Variants in LINGO1 observed in about 807,000 individuals in gnomAD.
LINGO1 encodes leucine-rich repeat and immunoglobulin-like domain-containing nogo receptor-interacting protein 1.
A neutral mutation model predicts 37.3 loss-of-function variants in LINGO1; 11 were observed. The observed-to-expected ratio is 0.29, with a 90% CI of 0.19 to 0.49. The LOEUF is 0.49. Among genes scored for constraint, LINGO1 ranks in the 20% least tolerant of loss-of-function variants. LINGO1 has a pLI of 0.99. For synonymous variants in LINGO1, 387 were observed against 403.0 expected (o/e 0.96, Z 0.48); for missense variants, 585 against 878.2 (o/e 0.67, Z 4.22).
intron 3 of LINGO1, among the ~76,000 whole-genome samples, chr15:77,674,975 A>G (rs190750847): frequency 6.6e-6 from 1 of 152,272 alleles, no homozygotes. Context: ...ACAGCAGCAG[A>G]GGACTTGACA....
At chr15:77,681,558 T>G (rs184085607) in intron 2 of LINGO1, among the ~76,000 whole-genome samples, 1 of 152,204 alleles carries the variant, frequency 6.6e-6, no homozygotes, top group Non-Finnish European at 1.5e-5. Context: ...CTGACTAGAA[T>G]TGCTTTGAGG....
intron 2 of LINGO1, among the ~76,000 whole-genome samples, chr15:77,727,507 A>G (rs1047899103): frequency 6.6e-6 from 1 of 152,236 alleles, no homozygotes; most frequent in African/African-American, 2.4e-5. Context: ...ACACATATAT[A>G]TGGTTTCCTA....
At chr15:77,721,095 T>C (rs1477805921) in intron 2 of LINGO1, among the ~76,000 whole-genome samples, 1 of 152,020 alleles carries the variant, frequency 6.6e-6, no homozygotes, top group Non-Finnish European at 1.5e-5. Context: ...CCCAGTCCAC[T>C]CCTGACTCAA....
rs145848928 is a variant in LINGO1, at chr15:77,744,510, G to A, written c.-256-9457C>T. On this transcript the variant is annotated intron_variant, in intron 1 of 3. Coordinates refer to the LINGO1 transcript ENST00000561686. Reference sequence around the variant, plus strand: ...GATGGCACTACTGTACTCCAGCCTGGACAACCAAAGTGAGACCCTACATCA... The same window carrying A: ...GATGGCACTACTGTACTCCAGCCTGAACAACCAAAGTGAGACCCTACATCA... Among the ~76,000 whole-genome samples, 202 of 152,198 alleles carry A rather than the reference G, an allele frequency of 1.3e-3. 7 individuals carry two copies. The East Asian group carries it at 0.036, about 27-fold the overall frequency.
At chr15:77,740,239 G>A (rs775782307) in intron 1 of LINGO1, among the ~76,000 whole-genome samples, 9 of 152,230 alleles carry the variant, frequency 5.9e-5, no homozygotes, top group Non-Finnish European at 1.0e-4. Flanking sequence ...GCCAGACAGA[G>A]GATGTGGGTG....
chr15:77,745,431 A>G (rs2076304745), intron 1 of LINGO1, among the ~76,000 whole-genome samples: 1 of 134,186 alleles, frequency 7.5e-6, no homozygotes, highest in Non-Finnish European at 1.7e-5. Flanking sequence ...TCTCAAAAGA[A>G]AAAAAAAAAA....
intron 1 of LINGO1, among the ~76,000 whole-genome samples, chr15:77,764,890 C>G (rs2076512453): frequency 6.6e-6 from 1 of 152,212 alleles, no homozygotes; most frequent in Admixed American, 6.5e-5. Flanking sequence ...AGGAGGAATG[C>G]TGCAGATATC....
At chr15:77,764,264 C>G (rs1352358534) in intron 1 of LINGO1, among the ~76,000 whole-genome samples, 1 of 152,154 alleles carries the variant, frequency 6.6e-6, no homozygotes, top group Non-Finnish European at 1.5e-5. Flanking sequence ...ATAATTTAGC[C>G]ATATACATCA....
intron 2 of LINGO1, among the ~76,000 whole-genome samples, chr15:77,731,402 C>T (rs1053532974): frequency 2.8e-4 from 43 of 152,178 alleles, no homozygotes; most frequent in African/African-American, 9.7e-4. Flanking sequence ...CAGAGCCTGG[C>T]ACTAGAGCCT....
chr15:77,613,435 TG>T lies in LINGO1; in HGVS notation c.*608del. 1 of 154,452 alleles carries T rather than the reference TG, an allele frequency of 6.5e-6. No individual in the cohort carries two copies. Among genetic ancestry groups the T allele is most frequent in the Non-Finnish European group, 1.4e-5 (1 of 69,434 alleles). 9.6% of individuals were successfully genotyped at this position (154,452 alleles called of 1,614,324 possible). A position where few individuals can be genotyped will look rare whatever the true frequency, so the allele number is the denominator to read the frequency against. ...GCCCTGCAAAAAGCCAGCCCGGAGC[TG>T]GGCCCAGGCCTGCCCCCTAGCCTGC... On this transcript the variant is annotated 3_prime_UTR_variant, in exon 2 of 2. Coordinates refer to ENST00000355300, the MANE Select transcript of LINGO1 (RefSeq NM_032808.7).
intron 1 of LINGO1, among the ~76,000 whole-genome samples, chr15:77,759,076 G>A (rs994971771): frequency 2.0e-5 from 3 of 152,200 alleles, no homozygotes; most frequent in Non-Finnish European, 2.9e-5. Flanking sequence ...TGAAGACCTG[G>A]AAAGCACTTA....
At chr15:77,793,965 C>G (rs2141449246) in intron 2 of LINGO1, among the ~76,000 whole-genome samples, 1 of 152,310 alleles carries the variant, frequency 6.6e-6, no homozygotes, top group South Asian at 2.1e-4. Flanking sequence ...CCAGGTGTCA[C>G]CTGTTCCAAC....
intron 1 of LINGO1, among the ~76,000 whole-genome samples, chr15:77,798,063 A>G (rs4886916): frequency 0.19 from 29,632 of 152,036 alleles, 3,061 homozygotes; most frequent in African/African-American, 0.26. Context: ...GTGAAGAGAG[A>G]CCTGCTCAGC....
At chr15:77,777,614 CA>C (rs200707493) in intron 1 of LINGO1, among the ~76,000 whole-genome samples, 1 of 152,080 alleles carries the variant, frequency 6.6e-6, no homozygotes, top group Non-Finnish European at 1.5e-5. Context: ...GGCTTAAAAA[CA>C]AAAAATTTTA....
At chr15:77,706,569 C>A (rs1200233487) in intron 2 of LINGO1, among the ~76,000 whole-genome samples, 1 of 152,188 alleles carries the variant, frequency 6.6e-6, no homozygotes, top group Non-Finnish European at 1.5e-5. Context: ...TTCCTTCCAG[C>A]TCCTGAACAC....
chr15:77,807,973 C>A (rs1417224847), intron 1 of LINGO1, among the ~76,000 whole-genome samples: 1 of 152,120 alleles, frequency 6.6e-6, no homozygotes, highest in Non-Finnish European at 1.5e-5. Flanking sequence ...CTGGTCCCCA[C>A]CCAGCTCCAC....
At chr15:77,766,272 T>C (rs1596204898) in intron 1 of LINGO1, among the ~76,000 whole-genome samples, 1 of 111,312 alleles carries the variant, frequency 9.0e-6, no homozygotes, top group Non-Finnish European at 1.7e-5. Context: ...CACTCTAGCC[T>C]GGGTAACAGA....
intron 2 of LINGO1, among the ~76,000 whole-genome samples, chr15:77,714,347 C>A (rs2075957706): frequency 6.6e-6 from 1 of 152,134 alleles, no homozygotes; most frequent in South Asian, 2.1e-4. Context: ...CTGGAGAGAT[C>A]TTTTTTAAAA....
At chr15:77,809,662 TGTG>T (rs1188247220) in intron 1 of LINGO1, among the ~76,000 whole-genome samples, 1 of 152,160 alleles carries the variant, frequency 6.6e-6, no homozygotes, top group Admixed American at 6.5e-5. Flanking sequence ...TGCTGTTTCC[TGTG>T]ACCCTTCCAG....
Sources: gnomAD v4.1 joint callset for allele counts (sites outside exome capture counted in the v4.1 genomes callset) on GRCh38, gnomAD v4.1.1 for gene constraint, MANE v1.5 for transcripts, NCBI Gene and HGNC (gene_info 2026-07-23, HGNC 2026-07-21) for gene names.